Variants in EFHD1 observed in about 807,000 individuals in gnomAD.
The protein encoded by EFHD1 is EF-hand domain-containing protein D1.
Under a neutral mutation model 17.2 loss-of-function variants are expected in EFHD1, and 10 were observed. The ratio of observed to expected loss-of-function variants is 0.58; its 90% CI spans 0.36 to 0.99. The LOEUF (loss-of-function observed/expected upper bound fraction) is 0.99, where lower values mean the gene tolerates loss of function less well. EFHD1 is among the 50% of genes least tolerant of loss of function. The probability of loss-of-function intolerance (pLI) is 0.01; values close to 1 mark genes in which losing one functional copy is unlikely to be tolerated. For missense variants in EFHD1, 310 were observed against 327.5 expected (o/e 0.95, Z 0.41); for synonymous variants, 153 against 142.0 (o/e 1.08, Z -0.55).
chr2:232,673,390 T>C (rs939615061), intron 3 of EFHD1, among the ~76,000 whole-genome samples: 1 of 152,162 alleles, frequency 6.6e-6, no homozygotes, highest in Admixed American at 6.5e-5. Context: ...CGTGCTCTAG[T>C]TGAAGTAGGT....
intron 1 of EFHD1, among the ~76,000 whole-genome samples, chr2:232,644,133 C>T (rs911090176): frequency 2.0e-5 from 3 of 152,166 alleles, no homozygotes; most frequent in Non-Finnish European, 4.4e-5. Flanking sequence ...TGTTGCCCTT[C>T]CTCCCTCCAA....
intron 1 of EFHD1, among the ~76,000 whole-genome samples, chr2:232,621,072 A>C (rs1186475126): frequency 6.6e-6 from 1 of 152,208 alleles, no homozygotes; most frequent in East Asian, 1.9e-4. Context: ...GGTTTTCCAA[A>C]AGTCAAATGG....
intron 1 of EFHD1, among the ~76,000 whole-genome samples, chr2:232,652,619 A>G (rs1383198522): frequency 1.3e-5 from 2 of 152,144 alleles, no homozygotes; most frequent in Non-Finnish European, 2.9e-5. Flanking sequence ...GGCGGCTGTG[A>G]TTAATTCTTC....
intron 1 of EFHD1, among the ~76,000 whole-genome samples, chr2:232,643,362 C>T (rs998315353): frequency 9.2e-5 from 14 of 151,924 alleles, no homozygotes; most frequent in Admixed American, 7.9e-4. Flanking sequence ...TACTGAATAA[C>T]GTTCCAGGGC....
At chr2:232,666,019 C>T (rs1694961231) in intron 2 of EFHD1, among the ~76,000 whole-genome samples, 1 of 152,206 alleles carries the variant, frequency 6.6e-6, no homozygotes. Context: ...GACTTTGGGT[C>T]AAGCGTTGGT....
intron 3 of EFHD1, among the ~76,000 whole-genome samples, chr2:232,678,720 T>G (rs1274211564): frequency 6.6e-6 from 1 of 151,918 alleles, no homozygotes; most frequent in Non-Finnish European, 1.5e-5. Flanking sequence ...GAGGCGGAGG[T>G]TGCAGTGAGC....
rs571529235 is a variant in EFHD1, at chr2:232,682,304, G to T, written c.*585G>T. 1 of 152,628 alleles carries T rather than the reference G, an allele frequency of 6.6e-6. No homozygotes were observed. Among genetic ancestry groups the T allele is most frequent in the African/African-American group, 2.4e-5 (1 of 41,552 alleles). The allele number at this position is 152,628 out of a possible 1,614,324, so 9.5% of individuals were successfully genotyped here. On this transcript the variant is annotated 3_prime_UTR_variant, in exon 4 of 4. Coordinates refer to ENST00000264059, the MANE Select transcript of EFHD1 (RefSeq NM_025202.4). Reference sequence around the variant, plus strand: ...AACACACATTAGAGAAAGGACAGAGGTCTGCTCCTTCCTGCCACCTTTCTC... The same window carrying T: ...AACACACATTAGAGAAAGGACAGAGTTCTGCTCCTTCCTGCCACCTTTCTC...
chr2:232,627,041 T>TCTCTCC (rs1391860644), intron 1 of EFHD1, among the ~76,000 whole-genome samples: 2 of 82,224 alleles, frequency 2.4e-5, no homozygotes, highest in Non-Finnish European at 4.6e-5. Flanking sequence ...TCTCTCTATA[T>TCTCTCC]ATATATATAT....
At chr2:232,610,123 G>T (rs561188562) in intron 1 of EFHD1, among the ~76,000 whole-genome samples, 1 of 152,364 alleles carries the variant, frequency 6.6e-6, no homozygotes, top group East Asian at 1.9e-4. Flanking sequence ...TCCAAAGCCC[G>T]AGTTGGGGAA....
intron 1 of EFHD1, among the ~76,000 whole-genome samples, chr2:232,654,287 T>G (rs1241220226): frequency 6.6e-6 from 1 of 151,802 alleles, no homozygotes; most frequent in Admixed American, 6.6e-5. Flanking sequence ...TCTGACATAT[T>G]TGACCTTTTT....
At chr2:232,669,646 G>A (rs1022740693) in intron 2 of EFHD1, among the ~76,000 whole-genome samples, 7 of 150,532 alleles carry the variant, frequency 4.7e-5, no homozygotes, top group African/African-American at 1.5e-4. Context: ...TGTAGCCCAG[G>A]CTGGAGTGCA....
chr2:232,653,217 T>A (rs1198084237), intron 1 of EFHD1, among the ~76,000 whole-genome samples: 2 of 152,168 alleles, frequency 1.3e-5, no homozygotes, highest in Admixed American at 1.3e-4. Flanking sequence ...GGTCTCAAAC[T>A]CCTGACCTCA....
At position 232,625,962 on chromosome 2, in the gene EFHD1, G is replaced by A. The variant is rs192324997; in HGVS notation, c.14+19789G>A. On this transcript the variant is annotated intron_variant, in intron 1 of 3. Coordinates refer to the EFHD1 transcript ENST00000409613. Reference sequence around the variant, plus strand: ...TCCCAGCATTTTGGGAGGCTGCGGCGGGAGGATTGCTTGAGCTCAAGGTTC... The same window carrying A: ...TCCCAGCATTTTGGGAGGCTGCGGCAGGAGGATTGCTTGAGCTCAAGGTTC... Among the ~76,000 whole-genome samples, 320 of 151,804 alleles carry A rather than the reference G, an allele frequency of 2.1e-3. 2 individuals carry two copies. The highest frequency in any genetic ancestry group is 7.2e-3 in the African/African-American group (298 of 41,382).
At chr2:232,623,707 GAAGAAGAAGA>G (rs2106187888) in intron 1 of EFHD1, among the ~76,000 whole-genome samples, 1 of 137,530 alleles carries the variant, frequency 7.3e-6, no homozygotes, top group African/African-American at 2.8e-5. Context: ...AGAAGAAGAA[GAAGAAGAAGA>G]AAGAAAGAAA....
upstream of EFHD1, among the ~76,000 whole-genome samples, chr2:232,629,376 C>T (rs918843011): frequency 3.9e-5 from 6 of 152,170 alleles, no homozygotes; most frequent in Non-Finnish European, 5.9e-5. Context: ...GCAAAACATC[C>T]GCCCTCCATT....
chr2:232,636,717 G>A (rs1442736558), intron 1 of EFHD1, among the ~76,000 whole-genome samples: 2 of 152,186 alleles, frequency 1.3e-5, no homozygotes, highest in Non-Finnish European at 2.9e-5. Context: ...CAGCTACTCA[G>A]GAGGCTGAGG....
At chr2:232,607,606 A>G (rs1355960544) in intron 1 of EFHD1, among the ~76,000 whole-genome samples, 1 of 147,352 alleles carries the variant, frequency 6.8e-6, no homozygotes, top group African/African-American at 2.6e-5. Flanking sequence ...AAAAAAAAAA[A>G]TTAGCTGGGT....
At chr2:232,677,253 C>T (rs962269387) in intron 3 of EFHD1, among the ~76,000 whole-genome samples, 33 of 122,740 alleles carry the variant, frequency 2.7e-4, no homozygotes, top group African/African-American at 1.0e-3. Context: ...TACACACACA[C>T]ATCTTTCTAT....
At chr2:232,616,301 A>AT (rs1455983727) in intron 1 of EFHD1, among the ~76,000 whole-genome samples, 2 of 151,314 alleles carry the variant, frequency 1.3e-5, no homozygotes, top group Non-Finnish European at 3.0e-5. Flanking sequence ...ATACCACTTT[A>AT]TTTATTTTTT....
Sources: allele counts gnomAD v4.1 joint callset (sites outside exome capture counted in the v4.1 genomes callset), GRCh38; gene constraint gnomAD v4.1.1; transcripts MANE v1.5; gene names NCBI Gene and HGNC (gene_info 2026-07-23, HGNC 2026-07-21).